NKAIN2: variants seen among roughly 807,000 people sequenced by gnomAD.
NKAIN2 encodes the protein sodium/potassium-transporting ATPase subunit beta-1-interacting protein 2.
In NKAIN2, 14 loss-of-function variants were observed where a neutral mutation model predicts 32.6. The ratio of observed to expected loss-of-function variants is 0.43; its 90% CI spans 0.28 to 0.67. NKAIN2 has a LOEUF of 0.67. Ranked by LOEUF, NKAIN2 falls within the 30% of genes least tolerant of loss-of-function variation. The probability of loss-of-function intolerance (pLI) is 0.17; values close to 1 mark genes in which losing one functional copy is unlikely to be tolerated. For synonymous variants in NKAIN2, 80 were observed against 87.2 expected (o/e 0.92, Z 0.46); for missense variants, 198 against 258.3 (o/e 0.77, Z 1.60).
intron 2 of NKAIN2, among the ~76,000 whole-genome samples, chr6:124,340,028 T>C (rs955186093): frequency 6.6e-6 from 1 of 152,166 alleles, no homozygotes; most frequent in Non-Finnish European, 1.5e-5. Context: ...GTTATTGGGC[T>C]AATCCAAGAA....
At chr6:123,975,557 A>G (rs1321819759) in intron 1 of NKAIN2, among the ~76,000 whole-genome samples, 2 of 152,166 alleles carry the variant, frequency 1.3e-5, no homozygotes, top group African/African-American at 4.8e-5. Flanking sequence ...AAAATATCAT[A>G]AACTGGGTGG....
chr6:124,018,373 T>A (rs1056712733), intron 1 of NKAIN2, among the ~76,000 whole-genome samples: 8 of 152,206 alleles, frequency 5.3e-5, no homozygotes, highest in Non-Finnish European at 1.2e-4. Context: ...TCTTGGTGAT[T>A]AACATTTGAC....
chr6:124,150,651 T>C (rs532394866), intron 1 of NKAIN2, among the ~76,000 whole-genome samples: 1 of 152,266 alleles, frequency 6.6e-6, no homozygotes, highest in South Asian at 2.1e-4. Flanking sequence ...TATGAAAATC[T>C]TTTCTGCATT....
chr6:123,862,146 T>C (rs758994348), intron 1 of NKAIN2, among the ~76,000 whole-genome samples: 4 of 152,194 alleles, frequency 2.6e-5, no homozygotes, highest in Non-Finnish European at 4.4e-5. Context: ...TGTTTCTTCA[T>C]GTATAAAATG....
At chr6:124,017,185 A>C (rs1485552789) in intron 1 of NKAIN2, among the ~76,000 whole-genome samples, 1 of 152,160 alleles carries the variant, frequency 6.6e-6, no homozygotes, top group African/African-American at 2.4e-5. Context: ...CCCTTTATAA[A>C]ATCATTAGAT....
chr6:123,977,740 G>A (rs1778705656), intron 1 of NKAIN2, among the ~76,000 whole-genome samples: 1 of 152,080 alleles, frequency 6.6e-6, no homozygotes, highest in Non-Finnish European at 1.5e-5. Flanking sequence ...ACTAATAATG[G>A]CTTATGCAGA....
intron 3 of NKAIN2, among the ~76,000 whole-genome samples, chr6:124,373,071 T>A (rs1008165671): frequency 6.6e-6 from 1 of 151,996 alleles, no homozygotes; most frequent in African/African-American, 2.4e-5. Flanking sequence ...GTTTGGGTAT[T>A]TTTGCATTAG....
intron 2 of NKAIN2, among the ~76,000 whole-genome samples, chr6:124,327,571 C>G (rs1797472737): frequency 6.6e-6 from 1 of 152,070 alleles, no homozygotes; most frequent in Non-Finnish European, 1.5e-5. Flanking sequence ...TGTCTATTTA[C>G]TCAATTTTAT....
At chr6:124,345,337 G>T (rs998675996) in intron 2 of NKAIN2, among the ~76,000 whole-genome samples, 1 of 152,106 alleles carries the variant, frequency 6.6e-6, no homozygotes, top group African/African-American at 2.4e-5. Context: ...TCAGGATGAT[G>T]CTGGCCTCAT....
At chr6:123,918,622 A>G (rs1399985311) in intron 1 of NKAIN2, among the ~76,000 whole-genome samples, 1 of 152,162 alleles carries the variant, frequency 6.6e-6, no homozygotes, top group African/African-American at 2.4e-5. Flanking sequence ...AGGTGTTTTT[A>G]TGAGATTAAT....
chr6:124,678,960 T>C (rs1400982816), intron 4 of NKAIN2, among the ~76,000 whole-genome samples: 1 of 152,156 alleles, frequency 6.6e-6, no homozygotes, highest in Non-Finnish European at 1.5e-5. Flanking sequence ...TTTACTAGTT[T>C]CATTTTTTCC....
intron 3 of NKAIN2, among the ~76,000 whole-genome samples, chr6:124,412,563 G>C (rs1774250045): frequency 6.6e-6 from 1 of 152,190 alleles, no homozygotes; most frequent in African/African-American, 2.4e-5. Flanking sequence ...ACCCGGCCGT[G>C]CGAGGTGTCA....
At chr6:123,951,280 T>G (rs1336589538) in intron 1 of NKAIN2, among the ~76,000 whole-genome samples, 4 of 152,042 alleles carry the variant, frequency 2.6e-5, no homozygotes, top group Admixed American at 6.6e-5. Context: ...GTTCACTTGG[T>G]CTGATGTACA....
intron 1 of NKAIN2, among the ~76,000 whole-genome samples, chr6:124,077,118 T>C (rs1472650605): frequency 1.3e-5 from 2 of 152,204 alleles, no homozygotes; most frequent in Admixed American, 1.3e-4. Context: ...AACTTTTTCT[T>C]GATAAACCAA....
At chr6:124,352,793 C>T (rs766884610) in intron 2 of NKAIN2, among the ~76,000 whole-genome samples, 1 of 152,158 alleles carries the variant, frequency 6.6e-6, no homozygotes, top group East Asian at 1.9e-4. Flanking sequence ...GATCTCTGTT[C>T]TATAACTGAA....
rs372686183 is a variant in NKAIN2 at position 124,084,853 on chromosome 6, GA to G, written c.55-198142del. Among the ~76,000 whole-genome samples the G allele has an allele frequency of 1.8e-4, 27 of 147,944 alleles. No individual in the cohort carries two copies. In the East Asian group the frequency reaches 3.4e-3, roughly 18 times the overall value. On this transcript the variant is annotated intron_variant, in intron 1 of 6. Transcript: ENST00000368417. ...ATCTTTTCCCGTCCTCATAGAAAAA[GA>G]AAAAAAAAATCTCTATGCTTAAAAA... is the stretch of plus-strand genomic sequence containing the variant.
At chr6:123,938,105 A>G (rs1391680545) in intron 1 of NKAIN2, among the ~76,000 whole-genome samples, 1 of 144,000 alleles carries the variant, frequency 6.9e-6, no homozygotes, top group Non-Finnish European at 1.5e-5. Context: ...ACAAAACTCT[A>G]TTTGTTCAAG....
chr6:124,524,751 C>A (rs1779249473), intron 3 of NKAIN2, among the ~76,000 whole-genome samples: 1 of 152,186 alleles, frequency 6.6e-6, no homozygotes, highest in South Asian at 2.1e-4. Flanking sequence ...AACTCGCTAA[C>A]TTCTAACATA....
intron 1 of NKAIN2, among the ~76,000 whole-genome samples, chr6:124,192,745 T>A (rs1790083905): frequency 7.7e-6 from 1 of 129,324 alleles, no homozygotes; most frequent in Non-Finnish European, 1.6e-5. Context: ...CCATCCGTTT[T>A]TTTTTTTTTT....
Sources: allele counts gnomAD v4.1 joint callset (sites outside exome capture counted in the v4.1 genomes callset), GRCh38; gene constraint gnomAD v4.1.1; transcripts MANE v1.5; gene names NCBI Gene and HGNC (gene_info 2026-07-23, HGNC 2026-07-21).